Variants in ATXN1 observed in about 807,000 individuals in gnomAD.
ATXN1 encodes ataxin-1.
In ATXN1, 8 loss-of-function variants were observed where a neutral mutation model predicts 56.4. The observed-to-expected ratio is 0.14, with a 90% CI of 0.08 to 0.26. The LOEUF is 0.26. Ranked by LOEUF, ATXN1 falls within the 10% of genes least tolerant of loss-of-function variation. The probability of loss-of-function intolerance (pLI) is 1.00; values close to 1 mark genes in which losing one functional copy is unlikely to be tolerated. For synonymous variants in ATXN1, 514 were observed against 494.6 expected (o/e 1.04, Z -0.52); for missense variants, 987 against 1,106.5 (o/e 0.89, Z 1.53).
At chr6:16,339,861 C>T (rs1313171008) in intron 6 of ATXN1, among the ~76,000 whole-genome samples, 1 of 152,176 alleles carries the variant, frequency 6.6e-6, no homozygotes, top group Non-Finnish European at 1.5e-5. Context: ...CGGCTCACTG[C>T]AACCTCTGCC....
intron 4 of ATXN1, among the ~76,000 whole-genome samples, chr6:16,538,117 T>C (rs1441681293): frequency 1.3e-5 from 2 of 152,192 alleles, no homozygotes; most frequent in Non-Finnish European, 2.9e-5. Context: ...AAGAAATATG[T>C]CCACTGAAAA....
intron 6 of ATXN1, among the ~76,000 whole-genome samples, chr6:16,373,149 C>A (rs1392773861): frequency 6.6e-6 from 1 of 152,190 alleles, no homozygotes; most frequent in Non-Finnish European, 1.5e-5. Flanking sequence ...TGCCTGAGAA[C>A]ATGTCTGCCT....
intron 6 of ATXN1, among the ~76,000 whole-genome samples, chr6:16,439,668 A>G (rs984773283): frequency 1.3e-5 from 2 of 152,180 alleles, no homozygotes; most frequent in African/African-American, 2.4e-5. Context: ...TTGTCCCTAA[A>G]AAGTATTTAC....
At chr6:16,394,057 G>A (rs890834940) in intron 6 of ATXN1, among the ~76,000 whole-genome samples, 1 of 152,094 alleles carries the variant, frequency 6.6e-6, no homozygotes, top group African/African-American at 2.4e-5. Context: ...TAACAATTCT[G>A]AAATACTGGT....
In ATXN1 at chr6:16,682,887, C is replaced by T. The variant is rs1758842224; in HGVS notation, c.-614-24986G>A. Among the ~76,000 whole-genome samples the T allele has an allele frequency of 2.0e-5, 3 of 152,306 alleles. No homozygotes were observed. The South Asian group carries it at 6.2e-4, about 32-fold the overall frequency. On this transcript the variant is annotated intron_variant, in intron 2 of 7. Transcript: ENST00000436367. ...TAATCCTCACTTTCCCGCTTCTATTCATATGCTTTATATGTATTTATTTGT... is the reference window on the plus strand; with the variant it reads ...TAATCCTCACTTTCCCGCTTCTATTTATATGCTTTATATGTATTTATTTGT...
At chr6:16,350,212 T>C (rs1761537417) in intron 6 of ATXN1, among the ~76,000 whole-genome samples, 1 of 152,234 alleles carries the variant, frequency 6.6e-6, no homozygotes, top group African/African-American at 2.4e-5. Context: ...ACTGTGGACG[T>C]GGAAGATGCA....
chr6:16,317,788 G>T (rs1332345235), intron 7 of ATXN1, among the ~76,000 whole-genome samples: 3 of 151,962 alleles, frequency 2.0e-5, no homozygotes, highest in African/African-American at 7.3e-5. Context: ...TCATCAGTGT[G>T]GTTATAAGAG....
intron 2 of ATXN1, among the ~76,000 whole-genome samples, chr6:16,714,304 C>T (rs1341360779): frequency 6.6e-6 from 1 of 151,920 alleles, no homozygotes; most frequent in Non-Finnish European, 1.5e-5. Context: ...GTAGGCCGCC[C>T]ATCACTAGAT....
At chr6:16,728,464 T>G (rs1256724228) in intron 2 of ATXN1, among the ~76,000 whole-genome samples, 5 of 152,166 alleles carry the variant, frequency 3.3e-5, no homozygotes, top group Non-Finnish European at 7.4e-5. Context: ...ACATCTGGGA[T>G]GTAGGACAGA....
rs1400573529 is a variant in ATXN1, at chr6:16,302,436, C to A, written c.*3893G>T. On this transcript the variant is annotated 3_prime_UTR_variant, in exon 8 of 8. Coordinates refer to ENST00000436367, the MANE Select transcript of ATXN1 (RefSeq NM_001128164.2). ...TGAGTTAGGGAAAACGAAAAGTTGA[C>A]CAACATAGAAAATTATCCTGAAAGT... 6.6e-6 allele frequency: 1 copy of A among 152,580 alleles called. No homozygotes were observed. The highest frequency in any genetic ancestry group is 1.5e-5 in the Non-Finnish European group (1 of 68,036). 9.5% of individuals were successfully genotyped at this position (152,580 alleles called of 1,614,324 possible). A position where few individuals can be genotyped will look rare whatever the true frequency, so the allele number is the denominator to read the frequency against.
rs542685578 is a variant in ATXN1 at position 16,587,753 on chromosome 6, T to C, written c.-488-1846A>G. On this transcript the variant is annotated intron_variant, in intron 3 of 7. Coordinates refer to ENST00000436367, the MANE Select transcript of ATXN1 (RefSeq NM_001128164.2). ...TTCGAGACCAGCCTGGCCAACATGG[T>C]GAAACCCCATCTATACTAAAAAAAA... Among the ~76,000 whole-genome samples the C allele has an allele frequency of 2.0e-5, 3 of 151,350 alleles. No individual in the cohort carries two copies. The East Asian group carries it at 5.8e-4, about 29-fold the overall frequency.
At chr6:16,568,314 C>T (rs1000909361) in intron 4 of ATXN1, among the ~76,000 whole-genome samples, 6 of 152,122 alleles carry the variant, frequency 3.9e-5, no homozygotes, top group Non-Finnish European at 5.9e-5. Flanking sequence ...ATCATCAAAA[C>T]GAAGGCAGAG....
chr6:16,601,246 G>A (rs541064125), intron 3 of ATXN1, among the ~76,000 whole-genome samples: 1 of 152,342 alleles, frequency 6.6e-6, no homozygotes, highest in African/African-American at 2.4e-5. Flanking sequence ...TATGAGGCAT[G>A]TAGGTAGTCT....
At chr6:16,579,444 C>T (rs1352129458) in intron 4 of ATXN1, among the ~76,000 whole-genome samples, 1 of 129,162 alleles carries the variant, frequency 7.7e-6, no homozygotes, top group African/African-American at 2.6e-5. Context: ...AGATGGAGAA[C>T]TTGGAAGCAC....
intron 1 of ATXN1, among the ~76,000 whole-genome samples, chr6:16,754,282 T>C (rs1377064477): frequency 6.6e-6 from 1 of 152,204 alleles, no homozygotes; most frequent in Non-Finnish European, 1.5e-5. Flanking sequence ...CTGGACTGAT[T>C]TTCAGTCTTT....
At chr6:16,473,509 C>T (rs547304178) in intron 6 of ATXN1, among the ~76,000 whole-genome samples, 31 of 152,300 alleles carry the variant, frequency 2.0e-4, no homozygotes, top group Admixed American at 1.3e-3. Context: ...CTTTAGAACA[C>T]ATTGTTTATT....
At chr6:16,743,510 T>C (rs779940433) in intron 2 of ATXN1, among the ~76,000 whole-genome samples, 7 of 152,260 alleles carry the variant, frequency 4.6e-5, no homozygotes, top group African/African-American at 1.7e-4. Context: ...TGGAATCACA[T>C]CCAATTTGTA....
At chr6:16,398,987 G>A (rs1056054814) in intron 6 of ATXN1, among the ~76,000 whole-genome samples, 5 of 152,184 alleles carry the variant, frequency 3.3e-5, no homozygotes, top group Non-Finnish European at 7.3e-5. Context: ...GAGGACGATC[G>A]TGTGCTATTC....
At chr6:16,351,745 A>C (rs1761572068) in intron 6 of ATXN1, among the ~76,000 whole-genome samples, 1 of 152,092 alleles carries the variant, frequency 6.6e-6, no homozygotes, top group Non-Finnish European at 1.5e-5. Context: ...TTGTAATGTA[A>C]TTCCAACAGA....
Sources: gnomAD v4.1 joint callset for allele counts (sites outside exome capture counted in the v4.1 genomes callset) on GRCh38, gnomAD v4.1.1 for gene constraint, MANE v1.5 for transcripts, NCBI Gene and HGNC (gene_info 2026-07-23, HGNC 2026-07-21) for gene names.